Variants in CNTNAP4 observed in about 807,000 individuals in gnomAD.
CNTNAP4 encodes contactin associated protein family member 4.
In CNTNAP4, 98 loss-of-function variants were observed where a neutral mutation model predicts 148.4. The ratio of observed to expected loss-of-function variants is 0.66; its 90% CI spans 0.56 to 0.78. The LOEUF (loss-of-function observed/expected upper bound fraction) is 0.78. CNTNAP4 is among the 30% of genes least tolerant of loss of function. The probability of loss-of-function intolerance (pLI) is 0.00; values close to 1 mark genes in which losing one functional copy is unlikely to be tolerated. For synonymous variants in CNTNAP4, 730 were observed against 565.1 expected (o/e 1.29, Z -4.14); for missense variants, 1,935 against 1,565.6 (o/e 1.24, Z -3.98).
At chr16:76,374,533 TAAATAATGAAA>T (rs2015206553) in intron 3 of CNTNAP4, among the ~76,000 whole-genome samples, 1 of 152,066 alleles carries the variant, frequency 6.6e-6, no homozygotes, top group Non-Finnish European at 1.5e-5. Flanking sequence ...CAATGATAGG[TAAATAATGAAA>T]TTTATCTGGA....
chr16:76,449,017 A>C, intron 6 of CNTNAP4, 66 bp downstream of exon 6: 2 of 1,413,918 alleles, frequency 1.4e-6, no homozygotes, highest in Non-Finnish European at 2.0e-6. Context: ...CTCCCAGAGG[A>C]AAATACACTA....
intron 17 of CNTNAP4, among the ~76,000 whole-genome samples, chr16:76,535,107 T>C (rs889535947): frequency 3.3e-5 from 5 of 152,182 alleles, no homozygotes; most frequent in Non-Finnish European, 7.3e-5. Flanking sequence ...TCAGAAGATC[T>C]CAAGGACTCC....
intron 3 of CNTNAP4, among the ~76,000 whole-genome samples, chr16:76,388,956 A>T (rs942236424): frequency 6.6e-6 from 1 of 152,236 alleles, no homozygotes; most frequent in African/African-American, 2.4e-5. Flanking sequence ...TCTAGAGAAA[A>T]GGAAAGTAAT....
chr16:76,325,723 A>G (rs905404520), intron 2 of CNTNAP4, among the ~76,000 whole-genome samples: 1 of 152,138 alleles, frequency 6.6e-6, no homozygotes, highest in African/African-American at 2.4e-5. Flanking sequence ...AAAAACTACA[A>G]AAAGAACAAC....
intron 13 of CNTNAP4, among the ~76,000 whole-genome samples, chr16:76,493,714 A>G (rs2082306467): frequency 6.6e-6 from 1 of 152,228 alleles, no homozygotes; most frequent in Admixed American, 6.5e-5. Context: ...AGGGCTAATC[A>G]TGTAATTAAA....
intron 14 of CNTNAP4, among the ~76,000 whole-genome samples, chr16:76,498,148 C>T (rs111708347): frequency 0.16 from 25,067 of 152,122 alleles, 2,661 homozygotes; most frequent in Admixed American, 0.3. Flanking sequence ...CCCCGCACTT[C>T]GGGAGGCTGA....
chr16:76,425,008 G>C (rs914479071), intron 3 of CNTNAP4, among the ~76,000 whole-genome samples: 1 of 152,090 alleles, frequency 6.6e-6, no homozygotes, highest in African/African-American at 2.4e-5. Flanking sequence ...ATAAGATTTG[G>C]TTAGTGCAAT....
At chr16:76,374,451 TA>T (rs1216332937) in intron 3 of CNTNAP4, among the ~76,000 whole-genome samples, 12 of 152,284 alleles carry the variant, frequency 7.9e-5, no homozygotes, top group Non-Finnish European at 1.2e-4. Flanking sequence ...TTCTGATCCT[TA>T]AATCAGAATA....
At chr16:76,372,352 G>T (rs1427469721) in intron 3 of CNTNAP4, among the ~76,000 whole-genome samples, 1 of 149,514 alleles carries the variant, frequency 6.7e-6, no homozygotes, top group East Asian at 2.0e-4. Flanking sequence ...GTTTCACTGT[G>T]TTAGCCAGGA....
At chr16:76,346,449 A>G (rs1013441873) in intron 2 of CNTNAP4, among the ~76,000 whole-genome samples, 5 of 151,754 alleles carry the variant, frequency 3.3e-5, no homozygotes, top group Non-Finnish European at 5.9e-5. Context: ...AAAAAAAAAA[A>G]AAGAAGGTAG....
Position 76,462,406 on chromosome 16 carries a change from GTCT to G in CNTNAP4, c.1483+308_1483+310del, listed in dbSNP as rs561897100. ...TCCTAATGTTAAATGATCCTTATATGTCTTCTTCTGATTTTATGGGCTGATTTA... is the reference window on the plus strand; with the variant it reads ...TCCTAATGTTAAATGATCCTTATATGTCTTCTGATTTTATGGGCTGATTTA... On this transcript the variant is annotated intron_variant, in intron 9 of 23. Transcript: ENST00000611870. 4.6e-5 allele frequency among the ~76,000 whole-genome samples: 7 copies of G among 152,208 alleles called. No individual in the cohort carries two copies. The South Asian group carries it at 1.4e-3, about 32-fold the overall frequency.
At chr16:76,317,265 CAAAAAAAAAAACCA>C (rs1961873831) in intron 2 of CNTNAP4, among the ~76,000 whole-genome samples, 34 of 44,354 alleles carry the variant, frequency 7.7e-4, no homozygotes, top group African/African-American at 2.6e-3. Flanking sequence ...AAAAAAAAAA[CAAAAAAAAAAACCA>C]AAAAAAAAAA....
intron 2 of CNTNAP4, among the ~76,000 whole-genome samples, chr16:76,325,055 C>G (rs907686014): frequency 6.6e-6 from 1 of 152,008 alleles, no homozygotes; most frequent in African/African-American, 2.4e-5. Flanking sequence ...GGGCAAAGAT[C>G]CCCCCAAAAA....
chr16:76,334,347 A>G lies in CNTNAP4; in HGVS notation c.196+17824A>G, dbSNP rs150837472. Among the ~76,000 whole-genome samples the G allele has an allele frequency of 5.3e-3, 805 of 152,160 alleles. 7 individuals carry two copies. Among genetic ancestry groups the G allele is most frequent in the African/African-American group, 0.018 (762 of 41,506 alleles). On this transcript the variant is annotated intron_variant, in intron 2 of 23. Transcript: ENST00000611870. Reference sequence around the variant, plus strand: ...CAAAAGCCCTTCCCAGTTTTTGCAGATTGGGTCTGTGTTGGGGCACCACTT... The same window carrying G: ...CAAAAGCCCTTCCCAGTTTTTGCAGGTTGGGTCTGTGTTGGGGCACCACTT...
intron 13 of CNTNAP4, among the ~76,000 whole-genome samples, chr16:76,493,655 A>G (rs1455107827): frequency 6.6e-6 from 1 of 152,218 alleles, no homozygotes; most frequent in Non-Finnish European, 1.5e-5. Flanking sequence ...TAAGCAGTAT[A>G]TTGAAATATA....
chr16:76,352,427 G>A (rs779787546), intron 2 of CNTNAP4, among the ~76,000 whole-genome samples: 9 of 152,158 alleles, frequency 5.9e-5, no homozygotes, highest in Non-Finnish European at 1.3e-4. Flanking sequence ...ATCTCCAGGA[G>A]CACCAGTGAG....
At chr16:76,478,754 T>C (rs12925899) in intron 11 of CNTNAP4, among the ~76,000 whole-genome samples, 18,333 of 152,126 alleles carry the variant, frequency 0.12, 1,260 homozygotes, top group South Asian at 0.2. Flanking sequence ...CTGAAACCAC[T>C]TGAAGGCATA....
intron 2 of CNTNAP4, among the ~76,000 whole-genome samples, chr16:76,329,574 A>C (rs1231964425): frequency 1.3e-5 from 2 of 152,190 alleles, no homozygotes; most frequent in Non-Finnish European, 2.9e-5. Flanking sequence ...TCGATTCTCA[A>C]ATAAGACATT....
intron 14 of CNTNAP4, among the ~76,000 whole-genome samples, chr16:76,496,328 C>G (rs2082402497): frequency 6.6e-6 from 1 of 151,910 alleles, no homozygotes; most frequent in South Asian, 2.1e-4. Flanking sequence ...TAAAAATTAC[C>G]TAATCATCAA....
Sources: gnomAD v4.1 joint callset for allele counts (sites outside exome capture counted in the v4.1 genomes callset) on GRCh38, gnomAD v4.1.1 for gene constraint, MANE v1.5 for transcripts, NCBI Gene and HGNC (gene_info 2026-07-23, HGNC 2026-07-21) for gene names.